Variants in CTNNA3 observed in about 807,000 individuals in gnomAD.
The protein encoded by CTNNA3 is catenin alpha 3, also known as catenin alpha-3.
Under a neutral mutation model 95.7 loss-of-function variants are expected in CTNNA3, and 76 were observed. The observed-to-expected ratio is 0.79, with a 90% CI of 0.66 to 0.96. The LOEUF (loss-of-function observed/expected upper bound fraction) is 0.96. Among genes scored for constraint, CTNNA3 ranks in the 40% least tolerant of loss-of-function variants. The pLI is 0.00. For missense variants in CTNNA3, 1,191 were observed against 1,089.8 expected, an observed-to-expected ratio of 1.09 and a Z score of -1.31; for synonymous variants, 431 against 374.4, an observed-to-expected ratio of 1.15 and a Z score of -1.74.
intron 1 of CTNNA3, among the ~76,000 whole-genome samples, chr10:67,671,895 A>C (rs967262940): frequency 6.6e-6 from 1 of 152,056 alleles, no homozygotes; most frequent in African/African-American, 2.4e-5. Context: ...TGGCTGGGTC[A>C]AATGGTATTT....
At chr10:66,775,392 C>G in intron 8 of CTNNA3, 52 bp downstream of exon 8, 2 of 1,176,528 alleles carry the variant, frequency 1.7e-6, no homozygotes, top group South Asian at 1.4e-5. Flanking sequence ...CAATGAATAA[C>G]AGTTTCATTT....
chr10:67,142,453 C>A (rs931258937), intron 7 of CTNNA3, among the ~76,000 whole-genome samples: 2 of 152,060 alleles, frequency 1.3e-5, no homozygotes, highest in African/African-American at 2.4e-5. Flanking sequence ...AAAATACAGG[C>A]ATTCCTCAGA....
At chr10:66,331,909 C>T (rs1365766340) in intron 12 of CTNNA3, among the ~76,000 whole-genome samples, 6 of 151,954 alleles carry the variant, frequency 3.9e-5, no homozygotes, top group African/African-American at 7.2e-5. Flanking sequence ...GCCATTTTCA[C>T]GATATTGATT....
chr10:67,262,855 C>T (rs1011642767), intron 5 of CTNNA3, among the ~76,000 whole-genome samples: 2 of 152,066 alleles, frequency 1.3e-5, no homozygotes, highest in African/African-American at 2.4e-5. Flanking sequence ...AAAATAGCAC[C>T]GCTAATCAGC....
intron 11 of CTNNA3, among the ~76,000 whole-genome samples, chr10:66,406,965 T>C (rs12257722): frequency 0.13 from 19,630 of 152,144 alleles, 1,694 homozygotes; most frequent in African/African-American, 0.24. Context: ...AAATTTTCTT[T>C]CAAAGGATTT....
chr10:67,600,415 T>C (rs1046944720), intron 3 of CTNNA3, among the ~76,000 whole-genome samples: 3 of 152,094 alleles, frequency 2.0e-5, no homozygotes, highest in African/African-American at 7.2e-5. Flanking sequence ...TAAAAAATGG[T>C]TAATATTATG....
intron 7 of CTNNA3, among the ~76,000 whole-genome samples, chr10:67,094,414 A>G (rs1348659190): frequency 1.3e-5 from 2 of 151,888 alleles, no homozygotes; most frequent in Admixed American, 1.3e-4. Context: ...AAAATACATG[A>G]TAGCAATTGT....
At chr10:66,245,363 TC>T (rs1244085102) in intron 13 of CTNNA3, among the ~76,000 whole-genome samples, 2 of 152,182 alleles carry the variant, frequency 1.3e-5, no homozygotes, top group African/African-American at 4.8e-5. Flanking sequence ...AGGTCTGGGA[TC>T]CCTGAGGGGC....
At chr10:66,886,565 T>C (rs920904040) in intron 7 of CTNNA3, among the ~76,000 whole-genome samples, 2 of 152,182 alleles carry the variant, frequency 1.3e-5, no homozygotes, top group African/African-American at 4.8e-5. Context: ...TCATAGATTT[T>C]CCATCGACAT....
rs767780484 is a variant in CTNNA3, at chr10:67,647,492, T to G, written c.22A>C (p.Thr8Pro). 6.2e-7 allele frequency: 1 copy of G among 1,613,304 alleles called. No individual in the cohort carries two copies. Among genetic ancestry groups the G allele is most frequent in the African/African-American group, 1.3e-5 (1 of 75,018 alleles). MSAETPI[T>P]LNIDPQDLQV... ...AGATCCTGAGGATCGATATTCAATGTGATTGGTGTTTCAGCTGACATGCTG... is the reference window on the plus strand; with the variant it reads ...AGATCCTGAGGATCGATATTCAATGGGATTGGTGTTTCAGCTGACATGCTG... The change falls in exon 2 of 18, where the codon ACA becomes CCA. Residue 8 changes from threonine (T) to proline (P), a missense_variant. Thr to Pro is a conservative substitution (Grantham distance 38). Coordinates refer to ENST00000433211, the MANE Select transcript of CTNNA3 (RefSeq NM_013266.4).
At chr10:67,306,728 C>A (rs192680480) in intron 5 of CTNNA3, among the ~76,000 whole-genome samples, 32 of 152,196 alleles carry the variant, frequency 2.1e-4, no homozygotes, top group African/African-American at 7.5e-4. Context: ...TGCATTGGAC[C>A]ATTTTCTTGA....
At chr10:66,741,267 G>C (rs776904592) in intron 9 of CTNNA3, among the ~76,000 whole-genome samples, 2 of 152,116 alleles carry the variant, frequency 1.3e-5, no homozygotes, top group Non-Finnish European at 2.9e-5. Context: ...TAGGTGGAAG[G>C]GAAGAGATGA....
intron 10 of CTNNA3, among the ~76,000 whole-genome samples, chr10:66,597,236 A>C (rs1286314351): frequency 6.6e-6 from 1 of 151,816 alleles, no homozygotes; most frequent in Non-Finnish European, 1.5e-5. Flanking sequence ...GCAGAGAAAA[A>C]GGCAGAAAGC....
chr10:67,109,810 T>C (rs1858825255), intron 7 of CTNNA3, among the ~76,000 whole-genome samples: 1 of 152,058 alleles, frequency 6.6e-6, no homozygotes, highest in Non-Finnish European at 1.5e-5. Flanking sequence ...GCCACTGCAC[T>C]CCAGCCTGGG....
intron 11 of CTNNA3, among the ~76,000 whole-genome samples, chr10:66,417,847 G>A (rs1589221406): frequency 6.6e-6 from 1 of 151,960 alleles, no homozygotes; most frequent in East Asian, 1.9e-4. Flanking sequence ...ATCAAAATCT[G>A]TGGGATACAG....
intron 11 of CTNNA3, among the ~76,000 whole-genome samples, chr10:66,460,216 C>T (rs2093519554): frequency 6.6e-6 from 1 of 152,160 alleles, no homozygotes. Context: ...CAAGCCTTCA[C>T]TCACACTCTT....
chr10:66,840,358 TCTCTCTCTCTCTCTCACACA>T (rs1290953170), intron 7 of CTNNA3, among the ~76,000 whole-genome samples: 1,476 of 122,926 alleles, frequency 0.012, 19 homozygotes, highest in African/African-American at 0.052. Flanking sequence ...TCTCTCTCTC[TCTCTCTCTCTCTCTCACACA>T]CACACACACA....
intron 3 of CTNNA3, among the ~76,000 whole-genome samples, chr10:67,593,173 T>C (rs1193229721): frequency 6.6e-6 from 1 of 152,160 alleles, no homozygotes; most frequent in Non-Finnish European, 1.5e-5. Flanking sequence ...GGCTGCATAG[T>C]AGTCTATGGT....
intron 1 of CTNNA3, among the ~76,000 whole-genome samples, chr10:67,691,823 G>A (rs1476075620): frequency 2.8e-5 from 4 of 144,802 alleles, no homozygotes; most frequent in South Asian, 2.3e-4. Context: ...GCCTCTGCCC[G>A]GCCGCCCCTA....
Sources: gnomAD v4.1 joint callset for allele counts (sites outside exome capture counted in the v4.1 genomes callset) on GRCh38, gnomAD v4.1.1 for gene constraint, MANE v1.5 for transcripts, NCBI Gene and HGNC (gene_info 2026-07-23, HGNC 2026-07-21) for gene names.